FGD4: variants seen among roughly 807,000 people sequenced by gnomAD.
The protein encoded by FGD4 is FYVE, RhoGEF and PH domain containing 4.
FGD4 carries 42 observed loss-of-function variants against 102.0 expected under a neutral mutation model. The ratio of observed to expected loss-of-function variants is 0.41; its 90% CI spans 0.32 to 0.53. FGD4 has a LOEUF of 0.53. Ranked by LOEUF, FGD4 falls within the 20% of genes least tolerant of loss-of-function variation. FGD4 has a pLI of 0.21. For synonymous variants in FGD4, 380 were observed against 375.7 expected, an observed-to-expected ratio of 1.01 and a Z score of -0.13; for missense variants, 902 against 1,078.2, an observed-to-expected ratio of 0.84 and a Z score of 2.29.
At chr12:32,613,181 C>G (rs771910707) in intron 10 of FGD4, among the ~76,000 whole-genome samples, 27 of 152,144 alleles carry the variant, frequency 1.8e-4, no homozygotes, top group Non-Finnish European at 4.4e-5. Context: ...GACTTTTCTG[C>G]TCTGAGGCAG....
At chr12:32,423,522 G>A (rs1941723871) in intron 1 of FGD4, among the ~76,000 whole-genome samples, 1 of 150,758 alleles carries the variant, frequency 6.6e-6, no homozygotes, top group Non-Finnish European at 1.5e-5. Flanking sequence ...AACCCGGGAG[G>A]CGAAGCTTGC....
rs1271132435 is a variant in FGD4 at position 32,452,120 on chromosome 12, GTTC to G, written c.166+52164_166+52166del. On this transcript the variant is annotated intron_variant, in intron 1 of 16. Transcript: ENST00000534526. ...GATTAAAAAGCATGCTGACTTTAAA[GTTC>G]TTTTTCTTCTTTACATTTCCTTTTG... Among the ~76,000 whole-genome samples the G allele has an allele frequency of 2.6e-5, 4 of 152,136 alleles. No individual in the cohort carries two copies. In the East Asian group the frequency reaches 7.7e-4, roughly 29 times the overall value.
At chr12:32,523,849 G>C (rs1258185069) in intron 1 of FGD4, among the ~76,000 whole-genome samples, 1 of 151,756 alleles carries the variant, frequency 6.6e-6, no homozygotes, top group South Asian at 2.1e-4. Flanking sequence ...GTTGTGGCAG[G>C]CACCTGTAGT....
At chr12:32,588,568 C>T (rs1395025519) in intron 4 of FGD4, among the ~76,000 whole-genome samples, 17 of 151,744 alleles carry the variant, frequency 1.1e-4, no homozygotes, top group African/African-American at 3.9e-4. Context: ...CTGCCAAGAC[C>T]AGCAAGAAGT....
At chr12:32,510,431 C>T (rs1001668965) in intron 1 of FGD4, among the ~76,000 whole-genome samples, 3 of 151,976 alleles carry the variant, frequency 2.0e-5, no homozygotes, top group Admixed American at 1.3e-4. Context: ...AGTAATAACA[C>T]TAGTTATTTC....
intron 1 of FGD4, among the ~76,000 whole-genome samples, chr12:32,555,337 T>C (rs975334997): frequency 6.6e-6 from 1 of 152,070 alleles, no homozygotes; most frequent in Non-Finnish European, 1.5e-5. Context: ...AGTTGGGTGA[T>C]GAGGGGTTCA....
chr12:32,456,876 C>T (rs1942961193), intron 1 of FGD4, among the ~76,000 whole-genome samples: 1 of 152,162 alleles, frequency 6.6e-6, no homozygotes, highest in Admixed American at 6.5e-5. Flanking sequence ...TCCATCTCCC[C>T]TTTTGTATTT....
intron 1 of FGD4, among the ~76,000 whole-genome samples, chr12:32,551,712 A>G (rs1943683319): frequency 6.6e-6 from 1 of 152,218 alleles, no homozygotes; most frequent in East Asian, 1.9e-4. Context: ...GCATGTGCCT[A>G]GCATTTGAGT....
intron 14 of FGD4, among the ~76,000 whole-genome samples, chr12:32,629,636 TG>T (rs1399581466): frequency 3.9e-5 from 6 of 152,210 alleles, no homozygotes; most frequent in Non-Finnish European, 8.8e-5. Context: ...TTTATCTCTG[TG>T]TCTCTCTCTA....
intron 1 of FGD4, among the ~76,000 whole-genome samples, chr12:32,453,208 A>AT (rs1565748944): frequency 2.2e-5 from 1 of 45,546 alleles, no homozygotes; most frequent in South Asian, 1.3e-3. Context: ...TATTATATAT[A>AT]TATATATATA....
chr12:32,624,708 A>C, intron 12 of FGD4: 1 of 661,136 alleles, frequency 1.5e-6, no homozygotes, highest in Non-Finnish European at 2.8e-6. Flanking sequence ...TCCTGAGCTC[A>C]AGCGATCTGC....
chr12:32,558,218 A>G (rs929031589), intron 1 of FGD4, among the ~76,000 whole-genome samples: 3 of 152,252 alleles, frequency 2.0e-5, no homozygotes, highest in African/African-American at 7.2e-5. Flanking sequence ...CACAGGTTGT[A>G]GTACACTAAG....
At chr12:32,505,149 G>A (rs991268322) in intron 1 of FGD4, among the ~76,000 whole-genome samples, 1 of 152,170 alleles carries the variant, frequency 6.6e-6, no homozygotes, top group Non-Finnish European at 1.5e-5. Flanking sequence ...ATGCTGCTAT[G>A]TTCACATGTC....
rs373732064 is a variant in FGD4, at chr12:32,533,961, C to T, written c.167-30176C>T. 3.9e-5 allele frequency among the ~76,000 whole-genome samples: 6 copies of T among 152,296 alleles called. 2 individuals carry two copies. Among genetic ancestry groups the T allele is most frequent in the African/African-American group, 1.4e-4 (6 of 41,578 alleles). The stretch of plus-strand genomic sequence containing the variant: ...CATAAATGGGATATTTGAGGTCATT[C>T]AAAATGAGATTTTAACATCTTAAGC... On this transcript the variant is annotated intron_variant, in intron 1 of 16. Transcript: ENST00000534526.
intron 1 of FGD4, among the ~76,000 whole-genome samples, chr12:32,432,676 AG>A (rs1330558741): frequency 1.3e-5 from 2 of 151,936 alleles, no homozygotes; most frequent in Admixed American, 6.6e-5. Flanking sequence ...TATACAGAGA[AG>A]GGTTCTTCAT....
At chr12:32,479,697 T>A (rs1394739466) in intron 1 of FGD4, among the ~76,000 whole-genome samples, 2 of 151,104 alleles carry the variant, frequency 1.3e-5, no homozygotes, top group Non-Finnish European at 2.9e-5. Flanking sequence ...GTCCAAATAG[T>A]TATATTCGTT....
intron 1 of FGD4, among the ~76,000 whole-genome samples, chr12:32,469,605 A>G (rs1341409661): frequency 1.3e-5 from 2 of 150,572 alleles, no homozygotes; most frequent in African/African-American, 2.4e-5. Context: ...TAAAGACAAC[A>G]TAGTATTTCA....
At chr12:32,420,658 A>G (rs1941594183) in intron 1 of FGD4, among the ~76,000 whole-genome samples, 1 of 152,098 alleles carries the variant, frequency 6.6e-6, no homozygotes, top group East Asian at 1.9e-4. Flanking sequence ...GCCCTCTTCT[A>G]GCTTTCCCTG....
At chr12:32,500,683 C>T (rs1478427639) in intron 1 of FGD4, among the ~76,000 whole-genome samples, 5 of 152,160 alleles carry the variant, frequency 3.3e-5, no homozygotes, top group African/African-American at 4.8e-5. Context: ...CCACCTGCCT[C>T]AGCCTCCCAA....
Sources: allele counts gnomAD v4.1 joint callset (sites outside exome capture counted in the v4.1 genomes callset), GRCh38; gene constraint gnomAD v4.1.1; transcripts MANE v1.5; gene names NCBI Gene and HGNC (gene_info 2026-07-23, HGNC 2026-07-21).